The following SEC31B variants were observed in gnomAD, a reference collection of about 807,000 sequenced individuals.
SEC31B encodes the protein SEC31 homolog B, COPII component, also known as protein transport protein Sec31B.
SEC31B carries 113 observed loss-of-function variants against 135.0 expected under a neutral mutation model. The ratio of observed to expected loss-of-function variants is 0.84; its 90% CI spans 0.72 to 0.98. The LOEUF is 0.98. Among genes scored for constraint, SEC31B ranks in the 50% least tolerant of loss-of-function variants. SEC31B has a pLI of 0.00. For synonymous variants in SEC31B, 508 were observed against 549.4 expected, an observed-to-expected ratio of 0.92 and a Z score of 1.05; for missense variants, 1,296 against 1,421.1, an observed-to-expected ratio of 0.91 and a Z score of 1.42.
chr10:100,490,647 C>T, intron 20 of SEC31B, 59 bp downstream of exon 20: 4 of 1,462,094 alleles, frequency 2.7e-6, no homozygotes, highest in Non-Finnish European at 1.8e-6. Flanking sequence ...CTGGCCATGC[C>T]AATTGCTTTC....
chr10:100,506,787 T>TA (rs1851641052), intron 7 of SEC31B, among the ~76,000 whole-genome samples: 1 of 152,090 alleles, frequency 6.6e-6, no homozygotes, highest in South Asian at 2.1e-4. Flanking sequence ...CAGGAGGTAG[T>TA]AAAGACCTAA....
chr10:100,516,304 G>T, intron 2 of SEC31B, 85 bp from the exon 3 acceptor site: 2 of 1,460,446 alleles, frequency 1.4e-6, no homozygotes, highest in South Asian at 1.3e-5. Flanking sequence ...AGAAGAGAAG[G>T]AACAGAAGAG....
At chr10:100,490,664 C>G (rs1418919554) in intron 20 of SEC31B, 42 bp downstream of exon 20, 3 of 1,504,426 alleles carry the variant, frequency 2.0e-6, no homozygotes, top group Non-Finnish European at 2.7e-6. Context: ...TTTCCTGAGA[C>G]CTCTGTGCTC....
Position 100,488,967 on chromosome 10 carries a change from T to G in SEC31B, c.3179A>C (p.His1060Pro), listed in dbSNP as rs770220011. 2 of 1,599,718 alleles carry G rather than the reference T, an allele frequency of 1.3e-6. No homozygotes were observed. The change falls in exon 24 of 26, where the codon CAC becomes CCC. Residue 1060 changes from histidine (H) to proline (P), a missense_variant. His to Pro is a moderately conservative substitution (Grantham distance 77). Coordinates refer to ENST00000370345, the MANE Select transcript of SEC31B (RefSeq NM_015490.4). ...CCTTTCCATCTTCTCAGGTGGCAGG[T>G]GCTGAAGCTGCTGATAAAGAAGCAG... ...VPGELSLQLQHLPPEKMERKE... is the reference protein window; with the variant it reads ...VPGELSLQLQPLPPEKMERKE...
intron 16 of SEC31B, 161 bp from the exon 17 acceptor site, chr10:100,497,441 C>A: frequency 6.8e-7 from 1 of 1,477,432 alleles, no homozygotes; most frequent in Non-Finnish European, 9.0e-7. Context: ...AAAGTTCTCA[C>A]ATCATGGTGT....
chr10:100,494,494 CTGT>C (rs1171450407), intron 19 of SEC31B, among the ~76,000 whole-genome samples: 1 of 152,172 alleles, frequency 6.6e-6, no homozygotes, highest in Non-Finnish European at 1.5e-5. Context: ...TAACTCCTAC[CTGT>C]TGTTCCAGCT....
intron 13 of SEC31B, 59 bp from the exon 14 acceptor site, chr10:100,498,863 T>C: frequency 7.6e-7 from 1 of 1,309,658 alleles, no homozygotes; most frequent in Non-Finnish European, 1.1e-6. Context: ...GACAGAGAGC[T>C]GGCTTAGTAG....
chr10:100,518,187 C>T (rs1055490637), intron 1 of SEC31B, among the ~76,000 whole-genome samples: 3 of 152,254 alleles, frequency 2.0e-5, no homozygotes, highest in Non-Finnish European at 2.9e-5. Context: ...TGCCCAAAGG[C>T]TCCAGCCTAC....
At position 100,505,407 on chromosome 10, in the gene SEC31B, T is replaced by C; in HGVS notation, c.1133A>G (p.Lys378Arg). The change falls in exon 10 of 26, where the codon AAA becomes AGA. Residue 378 changes from lysine (K) to arginine (R), a missense_variant. Physicochemically the swap from Lys to Arg is conservative, Grantham distance 26. Transcript: ENST00000370345. ...TCTTCTAATCCATTTGGGGGGTTTTTTCAGGGGAGGTATCAGTGGTGCTTG... is the reference window on the plus strand; with the variant it reads ...TCTTCTAATCCATTTGGGGGGTTTTCTCAGGGGAGGTATCAGTGGTGCTTG... ...VAQAPLIPPL[K>R]KPPKWIRRPT... 1 of 1,611,446 alleles carries C rather than the reference T, an allele frequency of 6.2e-7. No individual in the cohort carries two copies. Among genetic ancestry groups the C allele is most frequent in the Non-Finnish European group, 8.5e-7 (1 of 1,178,656 alleles).
At position 100,495,378 on chromosome 10, in the gene SEC31B, G is replaced by C; in HGVS notation, c.2472+7C>G. 6.2e-7 allele frequency: 1 copy of C among 1,612,216 alleles called. No homozygotes were observed. The highest frequency in any genetic ancestry group is 8.5e-7 in the Non-Finnish European group (1 of 1,179,156). Reference sequence around the variant, plus strand: ...ATGAACAAATGAATGAACAAACGAGGTCTTACCTGGTGAGAAGGCTGGGAT... The same window carrying C: ...ATGAACAAATGAATGAACAAACGAGCTCTTACCTGGTGAGAAGGCTGGGAT... On this transcript the variant is annotated splice_region_variant and intron_variant, in intron 19 of 25. Coordinates refer to ENST00000370345, the MANE Select transcript of SEC31B (RefSeq NM_015490.4).
chr10:100,507,928 C>A lies in SEC31B; in HGVS notation c.619G>T (p.Val207Phe). The change falls in exon 6 of 26, where the codon GTC (valine) becomes TTC (phenylalanine). Residue 207 changes from valine to phenylalanine, a missense_variant. Physicochemically the swap from Val to Phe is conservative, Grantham distance 50. Transcript: ENST00000370345. Reference sequence around the variant, plus strand: ...CTCACCCTGTTGCTGTGATCACTGACTTTGATGATAGGTTCATTCTTCCTG... The same window carrying A: ...CTCACCCTGTTGCTGTGATCACTGAATTTGATGATAGGTTCATTCTTCCTG... ...DLRKNEPIIKVSDHSNRMHCS... is the reference protein window; with the variant it reads ...DLRKNEPIIKFSDHSNRMHCS... 1 of 1,614,214 alleles carries A rather than the reference C, an allele frequency of 6.2e-7. No homozygotes were observed. Among genetic ancestry groups the A allele is most frequent in the Non-Finnish European group, 8.5e-7 (1 of 1,180,044 alleles).
rs765987777 is a variant in SEC31B, at chr10:100,506,060, G to A, written c.1024C>T (p.His342Tyr). 1.5e-5 allele frequency: 25 copies of A among 1,613,852 alleles called. No individual in the cohort carries two copies. In the East Asian group the frequency reaches 5.6e-4, roughly 36 times the overall value. ...CAAACCTTGTCAGCCTGTCTCATATGCTGGACTTCCCAGCTCCTACCCATC... is the reference window on the plus strand; with the variant it reads ...CAAACCTTGTCAGCCTGTCTCATATACTGGACTTCCCAGCTCCTACCCATC... ...SVMGRSWEVQ[H>Y]MRQADKISSS... Residue 342 changes from histidine to tyrosine, a missense_variant, in exon 9 of 26, where the codon CAT becomes TAT. His to Tyr is a moderately conservative substitution (Grantham distance 83). Transcript: ENST00000370345.
chr10:100,503,882 CCTAA>C (rs1234022866), intron 10 of SEC31B, among the ~76,000 whole-genome samples: 1 of 151,964 alleles, frequency 6.6e-6, no homozygotes, highest in Admixed American at 6.6e-5. Context: ...TGCTTTACTC[CCTAA>C]CTATTCACCA....
At position 100,508,029 on chromosome 10, in the gene SEC31B, G is replaced by A. The variant is rs1851666211; in HGVS notation, c.518C>T (p.Ala173Val). Residue 173 changes from alanine to valine, a missense_variant, in exon 6 of 26, where the codon GCA (alanine) becomes GTA (valine). Physicochemically the swap from Ala to Val is moderately conservative, Grantham distance 64. Coordinates refer to ENST00000370345, the MANE Select transcript of SEC31B (RefSeq NM_015490.4). ...KSQQPPEDIKALSWNRQAQHI... is the reference protein window; with the variant it reads ...KSQQPPEDIKVLSWNRQAQHI... ...TTGGGCTTGCCGGTTCCAAGACAGT[G>A]CCTTGATGTCCTCTGGAGGCTGCTA... 2 of 1,614,222 alleles carry A rather than the reference G, an allele frequency of 1.2e-6. No individual in the cohort carries two copies. The highest frequency in any genetic ancestry group is 1.7e-6 in the Non-Finnish European group (2 of 1,180,048).
rs1554841875 is a variant in SEC31B, at chr10:100,506,401, A to G, written c.802T>C (p.Trp268Arg). 6.2e-7 allele frequency: 1 copy of G among 1,614,156 alleles called. No homozygotes were observed. The highest frequency in any genetic ancestry group is 8.5e-7 in the Non-Finnish European group (1 of 1,180,010). ...AGCAGCTCAGCATCAGCCTGGCTCC[A>G]TGACACTGACAAGATCCCCCTAAAA... The part of the protein sequence containing the change: ...SHSRGILSVS[W>R]SQADAELLLT... The change falls in exon 8 of 26, where the codon TGG becomes CGG. Residue 268 changes from tryptophan to arginine, a missense_variant. Coordinates refer to ENST00000370345, the MANE Select transcript of SEC31B (RefSeq NM_015490.4).
chr10:100,510,701 C>T (rs938576954), intron 3 of SEC31B, among the ~76,000 whole-genome samples: 1 of 152,202 alleles, frequency 6.6e-6, no homozygotes, highest in African/African-American at 2.4e-5. Flanking sequence ...ACTTGTTAGG[C>T]CAGTCACTGG....
chr10:100,510,258 C>CAATGGCCTCCCCACCCCATGCCTCT (rs1236974284), intron 3 of SEC31B, among the ~76,000 whole-genome samples: 1 of 152,226 alleles, frequency 6.6e-6, no homozygotes, highest in African/African-American at 2.4e-5. Flanking sequence ...AGAAAAGACC[C>CAATGGCCTCCCCACCCCATGCCTCT]AATGGCCTCC....
Position 100,497,123 on chromosome 10 carries a change from G to T in SEC31B, c.2136+12C>A. 1 of 1,614,038 alleles carries T rather than the reference G, an allele frequency of 6.2e-7. No individual in the cohort carries two copies. The highest frequency in any genetic ancestry group is 1.1e-5 in the South Asian group (1 of 91,078). Reference sequence around the variant, plus strand: ...GGTGTGGAGTGGCCAGTACCCTGCAGAGAAGGGGTACCTGCAGAGCCATGG... The same window carrying T: ...GGTGTGGAGTGGCCAGTACCCTGCATAGAAGGGGTACCTGCAGAGCCATGG... On this transcript the variant is annotated intron_variant, in intron 17 of 25. Coordinates refer to ENST00000370345, the MANE Select transcript of SEC31B (RefSeq NM_015490.4).
chr10:100,490,884 C>T lies in SEC31B; in HGVS notation c.2473-1G>A, dbSNP rs776277286. 2.8e-6 allele frequency: 4 copies of T among 1,429,496 alleles called. No homozygotes were observed. In the South Asian group the frequency reaches 6.9e-5, roughly 25 times the overall value. The allele number at this position is 1,429,496 out of a possible 1,614,324, so 88.6% of individuals were successfully genotyped here. ...TTGGCCTTGGAGATGGAGTTGGGACCTATGAAGAGAAAAAAACATCAGCTC... is the reference window on the plus strand; with the variant it reads ...TTGGCCTTGGAGATGGAGTTGGGACTTATGAAGAGAAAAAAACATCAGCTC... On this transcript the variant is annotated splice_acceptor_variant, in intron 19 of 25. Transcript: ENST00000370345. LOFTEE classifies it high-confidence loss of function.
Sources: gnomAD v4.1 joint callset for allele counts (sites outside exome capture counted in the v4.1 genomes callset) on GRCh38, gnomAD v4.1.1 for gene constraint, MANE v1.5 for transcripts, NCBI Gene and HGNC (gene_info 2026-07-23, HGNC 2026-07-21) for gene names.